Variants in CDK10 observed in about 807,000 individuals in gnomAD.
CDK10 encodes the protein cyclin-dependent kinase 10.
CDK10 carries 55 observed loss-of-function variants against 51.0 expected under a neutral mutation model. The ratio of observed to expected loss-of-function variants is 1.08; its 90% CI spans 0.87 to 1.35. The LOEUF is 1.35. Among genes scored for constraint, CDK10 ranks in the 40% most tolerant of loss-of-function variants. CDK10 has a pLI of 0.00. For synonymous variants in CDK10, 255 were observed against 199.1 expected (o/e 1.28, Z -2.36); for missense variants, 589 against 485.1 (o/e 1.21, Z -2.01).
intron 2 of CDK10, 101 bp downstream of exon 2, chr16:89,689,425 A>G: frequency 1.0e-6 from 1 of 977,014 alleles, no homozygotes; most frequent in Non-Finnish European, 1.6e-6. Context: ...GAAGGGACTC[A>G]GACCCTGTGC....
At chr16:89,689,544 A>C in intron 2 of CDK10, 1 of 563,066 alleles carries the variant, frequency 1.8e-6, no homozygotes, top group Non-Finnish European at 3.2e-6. Flanking sequence ...AATGCCCATA[A>C]TCCAAACGTG....
intron 10 of CDK10, 41 bp downstream of exon 10, chr16:89,694,829 ACGCCC>A (rs1567524944): frequency 8.5e-7 from 1 of 1,180,194 alleles, no homozygotes; most frequent in Non-Finnish European, 1.1e-6. Context: ...GCCCGTGCCC[ACGCCC>A]TCTGCGCCCG....
chr16:89,694,300 T>G (rs758222730), intron 9 of CDK10, 68 bp downstream of exon 9: 1 of 1,523,654 alleles, frequency 6.6e-7, no homozygotes, highest in Non-Finnish European at 9.1e-7. Flanking sequence ...GTCACCTGGT[T>G]CCTGAGCTCA....
At chr16:89,692,807 C>T (rs1343764887) in intron 6 of CDK10, 2 of 277,442 alleles carry the variant, frequency 7.2e-6, no homozygotes, top group South Asian at 7.2e-5. Flanking sequence ...AAGGTCCAAA[C>T]ATCAACAGCA....
intron 2 of CDK10, 97 bp downstream of exon 2, chr16:89,689,421 A>G: frequency 9.9e-7 from 1 of 1,008,338 alleles, no homozygotes; most frequent in South Asian, 1.3e-5. Context: ...GCTGGAAGGG[A>G]CTCAGACCCT....
intron 6 of CDK10, 189 bp downstream of exon 6, chr16:89,692,705 T>G (rs1336386650): frequency 2.3e-6 from 1 of 443,216 alleles, no homozygotes; most frequent in Non-Finnish European, 4.0e-6. Flanking sequence ...TCTCACACAC[T>G]TGGGCTCAAG....
At chr16:89,689,638 C>CT in intron 2 of CDK10, 1 of 319,608 alleles carries the variant, frequency 3.1e-6, no homozygotes, top group South Asian at 3.6e-5. Context: ...GTGCTCATGT[C>CT]TATCACCTCA....
chr16:89,692,065 G>A, intron 5 of CDK10, 178 bp downstream of exon 5: 1 of 628,648 alleles, frequency 1.6e-6, no homozygotes, highest in East Asian at 2.7e-5. Flanking sequence ...CATCTGCTGG[G>A]AGCGGGCAGC....
chr16:89,688,983 C>T (rs781598528), intron 1 of CDK10, among the ~76,000 whole-genome samples: 15 of 152,102 alleles, frequency 9.9e-5, no homozygotes, highest in Non-Finnish European at 2.1e-4. Context: ...GCCTGTAATC[C>T]CAGCTACTCA....
intron 1 of CDK10, 87 bp downstream of exon 1, chr16:89,686,884 G>A: frequency 1.7e-6 from 2 of 1,157,928 alleles, no homozygotes; most frequent in Non-Finnish European, 2.5e-6. Flanking sequence ...TCGCGCTGCC[G>A]CGCCGAGGCT....
At position 89,691,828 on chromosome 16, in the gene CDK10, T is replaced by G; in HGVS notation, c.358T>G (p.Cys120Gly). The change falls in exon 5 of 13, where the codon TGT becomes GGT. Residue 120 changes from cysteine (C) to glycine (G), a missense_variant. Transcript: ENST00000353379. ...CAGCATCTTCCTGGTGATGGGTTAC[T>G]GTGAGCAGGACCTGGCCAGCCTCCT... ...LESIFLVMGYCEQDLASLLEN... is the reference protein window; with the variant it reads ...LESIFLVMGYGEQDLASLLEN... 6.2e-7 allele frequency: 1 copy of G among 1,613,964 alleles called. No homozygotes were observed. Among genetic ancestry groups the G allele is most frequent in the Non-Finnish European group, 8.5e-7 (1 of 1,179,986 alleles).
In CDK10 at chr16:89,694,670, T is replaced by C; in HGVS notation, c.674T>C (p.Val225Ala). ...TQTTSIDMWA[V>A]GCILAELLAH... ...AGGTCCACTGTTCTCTGCAGGGCTG[T>C]GGGCTGCATACTGGCCGAGCTGCTG... Residue 225 changes from valine (V) to alanine (A), a missense_variant, in exon 10 of 13, where the codon GTG (valine) becomes GCG (alanine). Val to Ala is a moderately conservative substitution (Grantham distance 64). Transcript: ENST00000353379. 6.3e-7 allele frequency: 1 copy of C among 1,589,516 alleles called. No homozygotes were observed. The highest frequency in any genetic ancestry group is 1.1e-5 in the South Asian group (1 of 87,366).
rs1304570402 is a variant in CDK10 at position 89,691,468 on chromosome 16, G to A, written c.258G>A (p.Glu86=). ...GCATCCCCATCAGCAGCTTGCGGGA[G>A]ATCACGCTGCTGCTCCGCCTGCGTC... is the stretch of plus-strand genomic sequence containing the variant. ...KDGIPISSLR[E]ITLLLRLRHP... is the part of the protein sequence containing the mutation. Residue 86 remains glutamate, a synonymous_variant, in exon 4 of 13, where the codon GAG becomes GAA. Coordinates refer to ENST00000353379, the MANE Select transcript of CDK10 (RefSeq NM_052988.5). The A allele has an allele frequency of 1.2e-6, 2 of 1,613,064 alleles. No homozygotes were observed. Among genetic ancestry groups the A allele is most frequent in the Admixed American group, 1.7e-5 (1 of 59,910 alleles).
In CDK10 at chr16:89,694,513, G is replaced by A; in HGVS notation, c.669-152G>A. On this transcript the variant is annotated intron_variant, in intron 9 of 12. Coordinates refer to ENST00000353379, the MANE Select transcript of CDK10 (RefSeq NM_052988.5). ...CCTGCGGGGCCCAGGAGGGGAGCCA[G>A]TGGTCCCTGCCTGTCCTTCACAGTG... is the stretch of plus-strand genomic sequence containing the variant. 5.7e-6 allele frequency: 8 copies of A among 1,393,250 alleles called. No individual in the cohort carries two copies. In the South Asian group the frequency reaches 1.0e-4, roughly 18 times the overall value. The allele number at this position is 1,393,250 out of a possible 1,614,324, so 86.3% of individuals were successfully genotyped here. A position where few individuals can be genotyped will look rare whatever the true frequency, so the allele number is the denominator to read the frequency against.
chr16:89,690,500 G>C, intron 2 of CDK10, 53 bp from the exon 3 acceptor site: 1 of 1,516,398 alleles, frequency 6.6e-7, no homozygotes, highest in Non-Finnish European at 9.2e-7. Context: ...CAGCGCTAGG[G>C]AGCCCACGAG....
Position 89,686,697 on chromosome 16 carries a change from G to C in CDK10, c.-14G>C, listed in dbSNP as rs769696768. On this transcript the variant is annotated 5_prime_UTR_variant, in exon 1 of 13. Coordinates refer to ENST00000353379, the MANE Select transcript of CDK10 (RefSeq NM_052988.5). ...CTGCGCCTGCGCGCAAGAGAGGCGG[G>C]GCCAGCGCTCGGCATGGCGGAGCCA... The C allele has an allele frequency of 1.3e-6, 2 of 1,576,842 alleles. No individual in the cohort carries two copies. Among genetic ancestry groups the C allele is most frequent in the Non-Finnish European group, 1.7e-6 (2 of 1,162,646 alleles).
At chr16:89,693,671 G>A (rs536208171) in intron 8 of CDK10, 22 of 604,918 alleles carry the variant, frequency 3.6e-5, no homozygotes, top group African/African-American at 7.4e-5. Flanking sequence ...GCTCAGTGGC[G>A]TCAAGGGCCT....
intron 2 of CDK10, 64 bp downstream of exon 2, chr16:89,689,388 G>T (rs1228281208): frequency 6.8e-7 from 1 of 1,463,058 alleles, no homozygotes; most frequent in East Asian, 2.3e-5. Context: ...GGACGAGACT[G>T]TCGAAGCAGC....
intron 8 of CDK10, 171 bp from the exon 9 acceptor site, chr16:89,694,002 G>C (rs546155587): frequency 1.5e-5 from 10 of 667,564 alleles, no homozygotes; most frequent in Non-Finnish European, 2.7e-5. Context: ...TCTCGCCCCC[G>C]GCAACCATTG....
Sources: allele counts gnomAD v4.1 joint callset (sites outside exome capture counted in the v4.1 genomes callset), GRCh38; gene constraint gnomAD v4.1.1; transcripts MANE v1.5; gene names NCBI Gene and HGNC (gene_info 2026-07-23, HGNC 2026-07-21).